SASH1: variants seen among roughly 807,000 people sequenced by gnomAD.
SASH1 encodes SAM and SH3 domain containing 1, also known as SAM and SH3 domain-containing protein 1.
Under a neutral mutation model 125.2 loss-of-function variants are expected in SASH1, and 44 were observed. That is an observed-to-expected ratio of 0.35 (90% CI 0.28 to 0.45). SASH1 has a LOEUF of 0.45. SASH1 is among the 20% of genes least tolerant of loss of function. The pLI is 1.00. For missense variants in SASH1, 1,426 were observed against 1,614.5 expected (o/e 0.88, Z 2.00); for synonymous variants, 639 against 649.1 (o/e 0.98, Z 0.24).
intron 11 of SASH1, among the ~76,000 whole-genome samples, chr6:148,526,770 C>T (rs952957618): frequency 2.0e-5 from 3 of 152,058 alleles, no homozygotes; most frequent in African/African-American, 7.2e-5. Context: ...GAGCTTTCAC[C>T]ATTTGTTCTA....
chr6:148,389,509 G>A (rs982746462), intron 1 of SASH1, among the ~76,000 whole-genome samples: 6 of 152,190 alleles, frequency 3.9e-5, no homozygotes, highest in Admixed American at 3.9e-4. Context: ...CCATAATAAT[G>A]AATATTAATG....
chr6:148,272,840 A>T (rs1272972622), intron 1 of SASH1, among the ~76,000 whole-genome samples: 1 of 152,186 alleles, frequency 6.6e-6, no homozygotes, highest in African/African-American at 2.4e-5. Context: ...ACCATTTAGT[A>T]TCTCATATTT....
chr6:148,519,988 T>A lies in SASH1; in HGVS notation c.1209+95T>A. 1.2e-6 allele frequency: 1 copy of A among 811,366 alleles called. No homozygotes were observed. Among genetic ancestry groups the A allele is most frequent in the Non-Finnish European group, 1.9e-6 (1 of 527,836 alleles). 50.3% of individuals were successfully genotyped at this position (811,366 alleles called of 1,614,324 possible). A position where few individuals can be genotyped will look rare whatever the true frequency, so the allele number is the denominator to read the frequency against. ...GAGTTTCAGAGTGTCCGGAAGCAAA[T>A]CCGCTTGAAGAAAACGGATACTAAT... On this transcript the variant is annotated intron_variant, in intron 10 of 19. Transcript: ENST00000367467. The surrounding 1 kb of genome is among the most constrained non-coding windows in gnomAD (Gnocchi z 4.8).
At chr6:148,488,138 C>T (rs151155662) in intron 8 of SASH1, among the ~76,000 whole-genome samples, 118 of 152,216 alleles carry the variant, frequency 7.8e-4, no homozygotes, top group African/African-American at 2.6e-3. Context: ...ACGCCCCCGC[C>T]TCACCCACCT....
intron 2 of SASH1, among the ~76,000 whole-genome samples, chr6:148,406,355 T>G (rs1784373973): frequency 6.6e-6 from 1 of 151,746 alleles, no homozygotes; most frequent in African/African-American, 2.4e-5. Flanking sequence ...AAAAAAGAAG[T>G]CGTAGATAAA....
At chr6:148,215,645 C>T in the SASH1 span, among the ~76,000 whole-genome samples, 241 of 152,120 alleles carry the variant, frequency 1.6e-3, 1 homozygote, top group Middle Eastern at 6.8e-3. Context: ...CGGCCCTCTA[C>T]GAGGTATCAT....
At chr6:148,500,248 C>A (rs1194876583) in intron 8 of SASH1, among the ~76,000 whole-genome samples, 2 of 149,534 alleles carry the variant, frequency 1.3e-5, no homozygotes, top group Non-Finnish European at 3.0e-5. Flanking sequence ...TTTCAAGATA[C>A]AGTTGAGGGC....
At chr6:148,459,696 G>GA (rs977224875) in intron 4 of SASH1, among the ~76,000 whole-genome samples, 2 of 151,192 alleles carry the variant, frequency 1.3e-5, no homozygotes, top group African/African-American at 4.9e-5. Context: ...TAGGGTGGTT[G>GA]AAAAAAAAGG....
chr6:148,429,777 A>C (rs913752237), intron 2 of SASH1, among the ~76,000 whole-genome samples: 5 of 150,258 alleles, frequency 3.3e-5, no homozygotes, highest in East Asian at 1.9e-4. Flanking sequence ...AACAAACAAA[A>C]AAATCAATAG....
chr6:148,215,831 A>G, the SASH1 span, among the ~76,000 whole-genome samples: 2 of 152,024 alleles, frequency 1.3e-5, no homozygotes, highest in Non-Finnish European at 2.9e-5. Context: ...GCTAGCAGAA[A>G]TATCTACTTT....
intron 7 of SASH1, chr6:148,478,638 G>T (rs1369959322): frequency 6.6e-6 from 1 of 152,236 alleles, no homozygotes; most frequent in Non-Finnish European, 1.5e-5. Flanking sequence ...GGTGACTACA[G>T]TCAACAATAA....
chr6:148,395,038 C>G (rs1489914740), intron 2 of SASH1, among the ~76,000 whole-genome samples: 2 of 152,174 alleles, frequency 1.3e-5, no homozygotes, highest in Non-Finnish European at 2.9e-5. Context: ...AGGAAATATG[C>G]AGTAACATAT....
At chr6:148,471,532 G>C (rs1778118086) in intron 6 of SASH1, 29 bp downstream of exon 6, 1 of 1,348,292 alleles carries the variant, frequency 7.4e-7, no homozygotes, top group South Asian at 1.2e-5. Context: ...CGGACAGTAG[G>C]TCCTTTTAGC....
chr6:148,323,496 C>T (rs1424808433), intron 1 of SASH1, among the ~76,000 whole-genome samples: 1 of 152,140 alleles, frequency 6.6e-6, no homozygotes, highest in Non-Finnish European at 1.5e-5. Flanking sequence ...TTATCAAATA[C>T]ATATGAATCT....
In SASH1 at chr6:148,544,640, C is replaced by T. The variant is rs762732456; in HGVS notation, c.3170C>T (p.Pro1057Leu). ...CCTGGCAGCCCACCAAGCACAAGGCCGCCCCCCTGGCTCTCAGAGCTCCCC... is the reference window on the plus strand; with the variant it reads ...CCTGGCAGCCCACCAAGCACAAGGCTGCCCCCCTGGCTCTCAGAGCTCCCC... Reference protein sequence around the residue: ...QAPGSPPSTRPPPWLSELPEN... With the variant: ...QAPGSPPSTRLPPWLSELPEN... The change falls in exon 18 of 20, where the codon CCG (proline) becomes CTG (leucine). Residue 1057 changes from proline (P) to leucine (L), a missense_variant. Transcript: ENST00000367467. This position sits in a 1 kb window ranked among gnomAD's most constrained non-coding sequence, Gnocchi z 6.4. 3.2e-5 allele frequency: 52 copies of T among 1,613,400 alleles called. No individual in the cohort carries two copies. The highest frequency in any genetic ancestry group is 2.3e-4 in the South Asian group (21 of 91,018).
At chr6:148,449,389 CTT>C (rs35961652) in intron 4 of SASH1, among the ~76,000 whole-genome samples, 8 of 137,176 alleles carry the variant, frequency 5.8e-5, no homozygotes, top group South Asian at 2.4e-4. Context: ...TAATTTCTTT[CTT>C]TTTTTTTTTT....
At chr6:148,540,925 T>C (rs1162153965) in intron 17 of SASH1, among the ~76,000 whole-genome samples, 1 of 152,182 alleles carries the variant, frequency 6.6e-6, no homozygotes, top group Non-Finnish European at 1.5e-5. Context: ...ATGCCTCGGC[T>C]GCATGGCCTG....
At chr6:148,403,664 T>C (rs889984661) in intron 2 of SASH1, among the ~76,000 whole-genome samples, 3 of 152,148 alleles carry the variant, frequency 2.0e-5, no homozygotes, top group Non-Finnish European at 4.4e-5. Flanking sequence ...CCTAAGTAGC[T>C]GGGATTCCAG....
At chr6:148,384,544 G>T (rs770315457) in intron 1 of SASH1, among the ~76,000 whole-genome samples, 1 of 152,082 alleles carries the variant, frequency 6.6e-6, no homozygotes, top group Admixed American at 6.6e-5. Flanking sequence ...TTGTGTTTCC[G>T]TAAAGATGGC....
Sources: gnomAD v4.1 joint callset for allele counts (sites outside exome capture counted in the v4.1 genomes callset) on GRCh38, gnomAD v4.1.1 for gene constraint, Gnocchi (gnomAD v3.1) non-coding constraint, MANE v1.5 for transcripts, NCBI Gene and HGNC (gene_info 2026-07-23, HGNC 2026-07-21) for gene names.